MICAL3: variants seen among roughly 807,000 people sequenced by gnomAD.
MICAL3 encodes microtubule associated monooxygenase, calponin and LIM domain containing 3.
A neutral mutation model predicts 207.4 loss-of-function variants in MICAL3; 62 were observed. That is an observed-to-expected ratio of 0.30 (90% CI 0.24 to 0.37). The LOEUF (loss-of-function observed/expected upper bound fraction) is 0.37. Ranked by LOEUF, MICAL3 falls within the 10% of genes least tolerant of loss-of-function variation. MICAL3 has a pLI of 1.00. For missense variants in MICAL3, 2,368 were observed against 2,635.6 expected, an observed-to-expected ratio of 0.90 and a Z score of 2.22; for synonymous variants, 1,077 against 1,069.3, an observed-to-expected ratio of 1.01 and a Z score of -0.14.
rs1447715402 is a variant in MICAL3 at position 17,818,025 on chromosome 22, G to T, written c.4636C>A (p.Pro1546Thr). Residue 1546 changes from proline to threonine, a missense_variant, in exon 26 of 32, where the codon CCC becomes ACC. Coordinates refer to ENST00000441493, the MANE Select transcript of MICAL3 (RefSeq NM_015241.3). ...TCGGGGCGCGGCCAGCAGGACGGGG[G>T]CGTGAAGAATTTCTCCTGCAGGCTT... The part of the protein sequence containing the change: ...DSSLQEKFFT[P>T]PSCWPRPEKP... 1.2e-6 allele frequency: 2 copies of T among 1,612,564 alleles called. No individual in the cohort carries two copies. Among genetic ancestry groups the T allele is most frequent in the Middle Eastern group, 1.6e-4 (1 of 6,062 alleles).
At chr22:17,821,932 G>T in intron 24 of MICAL3, 98 bp downstream of exon 24, 2 of 1,469,040 alleles carry the variant, frequency 1.4e-6, no homozygotes, top group Non-Finnish European at 1.9e-6. Flanking sequence ...GTGCACCATG[G>T]CTCTGCTCTG....
chr22:17,818,449 G>T lies in MICAL3; in HGVS notation c.4212C>A (p.Pro1404=). 6.2e-7 allele frequency: 1 copy of T among 1,612,974 alleles called. No homozygotes were observed. ...GTAGCTCTCTGTCGGACGGGGACCG[G>T]GGGGTTGGCAGGGACAACGGCTCGC... ...PEGEPLSLPT[P]RSPSDRELRS... is the part of the protein sequence containing the mutation. The change falls in exon 26 of 32, where the codon CCC becomes CCA. Residue 1404 remains proline (P), a synonymous_variant. Coordinates refer to ENST00000441493, the MANE Select transcript of MICAL3 (RefSeq NM_015241.3).
At position 17,942,728 on chromosome 22, in the gene MICAL3, T is replaced by C. The variant is rs60695894; in HGVS notation, c.-74-35842A>G. Among the ~76,000 whole-genome samples the C allele has an allele frequency of 8.3e-3, 1,257 of 152,312 alleles. 16 individuals are homozygous for C. Among genetic ancestry groups the C allele is most frequent in the African/African-American group, 0.028 (1,180 of 41,568 alleles). On this transcript the variant is annotated intron_variant, in intron 1 of 31. Transcript: ENST00000441493. ...GCTATAGATGACAAGCACCTAGAGATGCCCGTGACGCTGCTGGGCAGCACC... is the reference window on the plus strand; with the variant it reads ...GCTATAGATGACAAGCACCTAGAGACGCCCGTGACGCTGCTGGGCAGCACC...
intron 27 of MICAL3, 68 bp downstream of exon 27, chr22:17,816,622 C>G: frequency 7.8e-7 from 1 of 1,286,038 alleles, no homozygotes; most frequent in Non-Finnish European, 1.1e-6. Flanking sequence ...TCTCCTCTAC[C>G]CCACCAAAGC....
chr22:17,855,309 C>T (rs190660593), intron 19 of MICAL3, among the ~76,000 whole-genome samples: 3 of 152,304 alleles, frequency 2.0e-5, no homozygotes, highest in East Asian at 3.9e-4. Context: ...CTACAGAGGC[C>T]CAGGGCAGGC....
Position 17,889,179 on chromosome 22 carries a change from G to A in MICAL3, c.1746C>T (p.Ala582=). ...EQNVEKNNQL[A]FDIAEKELGI... ...CCAATTCCTTCTCAGCAATGTCAAA[G>A]GCCAGTTGGTTATTCTTCTCCACAT... Residue 582 remains alanine, a synonymous_variant, in exon 13 of 32, where the codon GCC becomes GCT. Coordinates refer to ENST00000441493, the MANE Select transcript of MICAL3 (RefSeq NM_015241.3). The A allele has an allele frequency of 6.2e-6, 10 of 1,613,726 alleles. No individual in the cohort carries two copies. Among genetic ancestry groups the A allele is most frequent in the Non-Finnish European group, 8.5e-6 (10 of 1,179,644 alleles).
chr22:17,865,865 T>C (rs1430804794), intron 18 of MICAL3, 59 bp downstream of exon 18: 61 of 1,451,098 alleles, frequency 4.2e-5, no homozygotes, highest in Non-Finnish European at 5.5e-5. Context: ...CCCCGGCCCA[T>C]AGCCACACTG....
intron 1 of MICAL3, among the ~76,000 whole-genome samples, chr22:17,962,168 C>A (rs908917879): frequency 2.6e-5 from 4 of 152,134 alleles, no homozygotes; most frequent in Non-Finnish European, 5.9e-5. Context: ...GAGAGGAAAG[C>A]GAGACATCAT....
chr22:17,948,006 A>G (rs1934156214), intron 1 of MICAL3, among the ~76,000 whole-genome samples: 1 of 151,364 alleles, frequency 6.6e-6, no homozygotes, highest in Non-Finnish European at 1.5e-5. Flanking sequence ...GCCAGTACAG[A>G]TCCAGGATAC....
In MICAL3 at chr22:17,886,035, C is replaced by T. The variant is rs1929838569; in HGVS notation, c.2084G>A (p.Gly695Asp). Residue 695 changes from glycine to aspartate, a missense_variant, in exon 16 of 32, where the codon GGC becomes GAC. Around this residue, in one of 4 missense-constraint regions of MICAL3, gnomAD observed 1,770 missense variants for 1,863.2 expected, o/e 0.95. Coordinates refer to ENST00000441493, the MANE Select transcript of MICAL3 (RefSeq NM_015241.3). ...CAGGGTCGGTCTTTCTCCTCTGTGG[C>T]CCCGAGGAGCTTCCTCCTGGTCAAT... ...SQSEEEEAPR[G>D]HRGERPTLVS... 1.1e-5 allele frequency: 18 copies of T among 1,613,960 alleles called. No homozygotes were observed. The highest frequency in any genetic ancestry group is 1.5e-5 in the Non-Finnish European group (18 of 1,179,890).
At chr22:18,023,920 G>A (rs1406258851) in intron 1 of MICAL3, among the ~76,000 whole-genome samples, 2 of 151,814 alleles carry the variant, frequency 1.3e-5, no homozygotes, top group African/African-American at 4.8e-5. Flanking sequence ...CCTACCTCGG[G>A]GGTGCCTGGG....
At position 17,803,775 on chromosome 22, in the gene MICAL3, C is replaced by T. The variant is rs544352249; in HGVS notation, c.5650+5069G>A. On this transcript the variant is annotated intron_variant, in intron 29 of 31. Coordinates refer to ENST00000441493, the MANE Select transcript of MICAL3 (RefSeq NM_015241.3). Reference sequence around the variant, plus strand: ...AGCGTGGGTGGAGAAAGGGCGTCAGCGGGGTTAGTGTCAGCACAGGCGCTG... The same window carrying T: ...AGCGTGGGTGGAGAAAGGGCGTCAGTGGGGTTAGTGTCAGCACAGGCGCTG... 22 of 975,008 alleles carry T rather than the reference C, an allele frequency of 2.3e-5. No individual in the cohort carries two copies. The South Asian group carries it at 2.9e-4, about 13-fold the overall frequency. The allele number at this position is 975,008 out of a possible 1,614,324, so 60.4% of individuals were successfully genotyped here.
Position 17,900,436 on chromosome 22 carries a change from A to G in MICAL3, c.847+406T>C, listed in dbSNP as rs1931223729. Among the ~76,000 whole-genome samples the G allele has an allele frequency of 6.6e-6, 1 of 152,172 alleles. No homozygotes were observed. ...GGCAACATGGCGAAACTCCGTCTCTACAAGTAATACGAAAAATTAGCCAGG... is the reference window on the plus strand; with the variant it reads ...GGCAACATGGCGAAACTCCGTCTCTGCAAGTAATACGAAAAATTAGCCAGG... On this transcript the variant is annotated intron_variant, in intron 6 of 31. Transcript: ENST00000441493. The surrounding 1 kb of genome is among the most constrained non-coding windows in gnomAD (Gnocchi z 4.0).
chr22:17,933,440 G>A (rs1194960326), intron 1 of MICAL3, among the ~76,000 whole-genome samples: 2 of 152,008 alleles, frequency 1.3e-5, no homozygotes, highest in Non-Finnish European at 2.9e-5. Context: ...AAAGACACAA[G>A]GTACCAGAAT....
At chr22:17,805,288 A>G (rs1415326985) in intron 29 of MICAL3, among the ~76,000 whole-genome samples, 2 of 152,262 alleles carry the variant, frequency 1.3e-5, no homozygotes, top group Non-Finnish European at 1.5e-5. Flanking sequence ...GCAGGAGAGA[A>G]AGCAGCAGCA....
At chr22:17,863,888 T>A (rs1429028795) in intron 19 of MICAL3, 2 of 985,372 alleles carry the variant, frequency 2.0e-6, no homozygotes, top group Non-Finnish European at 2.4e-6. Flanking sequence ...CTGACCATCT[T>A]TAATTTTTAT....
chr22:17,790,847 T>C lies in MICAL3; in HGVS notation c.5894A>G (p.Glu1965Gly). The change falls in exon 32 of 32, where the codon GAG (glutamate) becomes GGG (glycine). Residue 1965 changes from glutamate (E) to glycine (G), a missense_variant. By Grantham distance (98) the Glu-to-Gly change is moderately conservative. Coordinates refer to ENST00000441493, the MANE Select transcript of MICAL3 (RefSeq NM_015241.3). ...QILNEMLEVVEQRDSLVALLE... is the reference protein window; with the variant it reads ...QILNEMLEVVGQRDSLVALLE... ...CAGCGCCACCAGTGAGTCTCTCTGCTCCACCACCTCCAGCATCTCATTGAG... is the reference window on the plus strand; with the variant it reads ...CAGCGCCACCAGTGAGTCTCTCTGCCCCACCACCTCCAGCATCTCATTGAG... 1 of 1,613,828 alleles carries C rather than the reference T, an allele frequency of 6.2e-7. No homozygotes were observed.
In MICAL3 at chr22:17,982,721, T is replaced by TAACATAACA. The variant is rs1569156767; in HGVS notation, c.-75+41551_-75+41559dup. 9.5e-3 allele frequency among the ~76,000 whole-genome samples: 1,194 copies of TAACATAACA among 125,394 alleles called. 12 individuals are homozygous for TAACATAACA. The highest frequency in any genetic ancestry group is 0.026 in the African/African-American group (869 of 32,870). The allele number at this position is 125,394 out of a possible 152,430, so 82.3% of individuals were successfully genotyped here. On this transcript the variant is annotated intron_variant, in intron 1 of 31. Coordinates refer to ENST00000441493, the MANE Select transcript of MICAL3 (RefSeq NM_015241.3). ...ATAACATAACATAACATAACAAACA[T>TAACATAACA]AACATAACATAAAAATAAAATAAAA...
At chr22:17,798,659 T>TATC (rs1726125402) in intron 29 of MICAL3, among the ~76,000 whole-genome samples, 1 of 151,016 alleles carries the variant, frequency 6.6e-6, no homozygotes, top group Admixed American at 6.6e-5. Context: ...TGATAAATAG[T>TATC]GTTGGAGCAA....
Sources: gnomAD v4.1 joint callset for allele counts (sites outside exome capture counted in the v4.1 genomes callset) on GRCh38, gnomAD v4.1.1 for gene constraint, gnomAD v4.1.1 regional missense constraint, Gnocchi (gnomAD v3.1) non-coding constraint, MANE v1.5 for transcripts, NCBI Gene and HGNC (gene_info 2026-07-23, HGNC 2026-07-21) for gene names.